The following XKR4 variants were observed in gnomAD, a reference collection of about 807,000 sequenced individuals.
The protein encoded by XKR4 is XK related 4.
A neutral mutation model predicts 53.9 loss-of-function variants in XKR4; 12 were observed. The ratio of observed to expected loss-of-function variants is 0.22; its 90% CI spans 0.14 to 0.36. The LOEUF is 0.36. Among genes scored for constraint, XKR4 ranks in the 10% least tolerant of loss-of-function variants. The pLI is 1.00. For missense variants in XKR4, 799 were observed against 859.5 expected (o/e 0.93, Z 0.88); for synonymous variants, 354 against 362.4 (o/e 0.98, Z 0.26).
At chr8:55,331,445 C>T (rs1051427462) in intron 1 of XKR4, among the ~76,000 whole-genome samples, 2 of 152,126 alleles carry the variant, frequency 1.3e-5, no homozygotes, top group Non-Finnish European at 2.9e-5. Context: ...GGGTGGAGTT[C>T]AATAGATGTA....
At chr8:55,433,894 G>A (rs906921361) in intron 2 of XKR4, among the ~76,000 whole-genome samples, 11 of 152,086 alleles carry the variant, frequency 7.2e-5, no homozygotes, top group African/African-American at 2.4e-4. Flanking sequence ...TTAACTGGGC[G>A]TGGCACACAG....
chr8:55,226,498 G>A (rs1007165558), intron 1 of XKR4, among the ~76,000 whole-genome samples: 1 of 152,118 alleles, frequency 6.6e-6, no homozygotes, highest in African/African-American at 2.4e-5. Flanking sequence ...GGAGAATGGT[G>A]GTGGGGCTGG....
chr8:55,196,587 T>C (rs1174892587), intron 1 of XKR4, among the ~76,000 whole-genome samples: 1 of 152,224 alleles, frequency 6.6e-6, no homozygotes, highest in East Asian at 1.9e-4. Flanking sequence ...AATCAGATTG[T>C]AGGTTTGCAA....
chr8:55,399,050 C>G (rs1473462413), intron 2 of XKR4, among the ~76,000 whole-genome samples: 1 of 152,188 alleles, frequency 6.6e-6, no homozygotes, highest in Non-Finnish European at 1.5e-5. Flanking sequence ...TCTCATTCCT[C>G]TGAATACCTC....
intron 2 of XKR4, among the ~76,000 whole-genome samples, chr8:55,425,878 A>G (rs1256991071): frequency 6.6e-6 from 1 of 152,226 alleles, no homozygotes; most frequent in Non-Finnish European, 1.5e-5. Flanking sequence ...CAAGCTACAA[A>G]TTAAATGTAA....
intron 1 of XKR4, among the ~76,000 whole-genome samples, chr8:55,323,881 G>A (rs1301167665): frequency 6.6e-6 from 1 of 151,680 alleles, no homozygotes; most frequent in Non-Finnish European, 1.5e-5. Context: ...TTCCACTATT[G>A]TCTAGCCATT....
intron 1 of XKR4, among the ~76,000 whole-genome samples, chr8:55,148,225 T>C (rs1816795882): frequency 1.3e-5 from 2 of 152,258 alleles, no homozygotes; most frequent in South Asian, 4.2e-4. Context: ...GACAACATGG[T>C]GTAACCCCGT....
chr8:55,131,632 G>A (rs763170316), intron 1 of XKR4, among the ~76,000 whole-genome samples: 9 of 152,292 alleles, frequency 5.9e-5, no homozygotes, highest in South Asian at 2.1e-4. Flanking sequence ...AACTCAGTGC[G>A]CGATTGACAT....
rs150604155 is a variant in XKR4 at position 55,491,860 on chromosome 8, G to A, written c.1007-31421G>A. Among the ~76,000 whole-genome samples the A allele has an allele frequency of 2.1e-3, 321 of 152,224 alleles. 4 individuals carry two copies. The highest frequency in any genetic ancestry group is 6.8e-3 in the African/African-American group (281 of 41,526). ...GTATGTAAGCTCTGAGAATTGTTCC[G>A]TTTACAACTCCCCAGGAGTCTATTT... On this transcript the variant is annotated intron_variant, in intron 2 of 2. Coordinates refer to ENST00000327381, the MANE Select transcript of XKR4 (RefSeq NM_052898.2).
intron 1 of XKR4, chr8:55,140,123 A>T: frequency 2.3e-6 from 1 of 425,788 alleles, no homozygotes; most frequent in Middle Eastern, 3.4e-4. Context: ...TTTCTTTTAG[A>T]TGAAAATTCT....
At chr8:55,272,921 G>C (rs569030374) in intron 1 of XKR4, 2 of 453,826 alleles carry the variant, frequency 4.4e-6, no homozygotes, top group South Asian at 3.1e-5. Context: ...CAACTATTGG[G>C]TATAAACTTC....
chr8:55,204,959 T>C (rs1817625623), intron 1 of XKR4, among the ~76,000 whole-genome samples: 1 of 152,170 alleles, frequency 6.6e-6, no homozygotes, highest in Non-Finnish European at 1.5e-5. Flanking sequence ...GGGTGGGCCC[T>C]TGGTGCCTGG....
At chr8:55,318,488 G>C (rs1402123026) in intron 1 of XKR4, among the ~76,000 whole-genome samples, 1 of 152,146 alleles carries the variant, frequency 6.6e-6, no homozygotes, top group Admixed American at 6.5e-5. Flanking sequence ...TTAGCAGTTT[G>C]TCCCAAACTC....
chr8:55,511,693 C>T (rs551992504), intron 2 of XKR4, among the ~76,000 whole-genome samples: 24 of 152,282 alleles, frequency 1.6e-4, no homozygotes, highest in African/African-American at 5.1e-4. Context: ...TTGCATAGGC[C>T]TTTAAGCCAA....
At chr8:55,348,117 A>C (rs963776108) in intron 1 of XKR4, among the ~76,000 whole-genome samples, 2 of 152,196 alleles carry the variant, frequency 1.3e-5, no homozygotes, top group Non-Finnish European at 2.9e-5. Flanking sequence ...GGTCAGTCGA[A>C]GCCCAGATAC....
intron 1 of XKR4, among the ~76,000 whole-genome samples, chr8:55,201,431 C>A (rs1817576069): frequency 6.6e-6 from 1 of 152,188 alleles, no homozygotes; most frequent in African/African-American, 2.4e-5. Flanking sequence ...ATTTATATAT[C>A]CCTGTCCTCT....
chr8:55,519,402 C>A (rs374329467), intron 2 of XKR4, among the ~76,000 whole-genome samples: 1 of 152,096 alleles, frequency 6.6e-6, no homozygotes, highest in Admixed American at 6.5e-5. Flanking sequence ...ATACATTGTT[C>A]AATGTCACTT....
intron 1 of XKR4, chr8:55,135,483 G>T (rs772385470): frequency 5.0e-6 from 2 of 400,344 alleles, no homozygotes; most frequent in East Asian, 7.3e-5. Flanking sequence ...TATCTGAATC[G>T]GTGGCTTCAC....
At chr8:55,363,795 C>G (rs944014444) in intron 2 of XKR4, among the ~76,000 whole-genome samples, 1 of 152,128 alleles carries the variant, frequency 6.6e-6, no homozygotes, top group Non-Finnish European at 1.5e-5. Flanking sequence ...TGTGAGGGGT[C>G]TAGGCTCCAG....
Sources: gnomAD v4.1 joint callset for allele counts (sites outside exome capture counted in the v4.1 genomes callset) on GRCh38, gnomAD v4.1.1 for gene constraint, MANE v1.5 for transcripts, NCBI Gene and HGNC (gene_info 2026-07-23, HGNC 2026-07-21) for gene names.